The following EXOC4 variants were observed in gnomAD, a reference collection of about 807,000 sequenced individuals.
The protein encoded by EXOC4 is SEC8-like 1.
In EXOC4, 71 loss-of-function variants were observed where a neutral mutation model predicts 107.2. The ratio of observed to expected loss-of-function variants is 0.66; its 90% CI spans 0.55 to 0.81. EXOC4 has a LOEUF of 0.81. Ranked by LOEUF, EXOC4 falls within the 30% of genes least tolerant of loss-of-function variation. The probability of loss-of-function intolerance (pLI) is 0.00; values close to 1 mark genes in which losing one functional copy is unlikely to be tolerated. For missense variants in EXOC4, 1,108 were observed against 1,189.6 expected, an observed-to-expected ratio of 0.93 and a Z score of 1.01; for synonymous variants, 456 against 441.2, an observed-to-expected ratio of 1.03 and a Z score of -0.42.
chr7:133,529,299 TAATTAA>T (rs1800136340), intron 9 of EXOC4, among the ~76,000 whole-genome samples: 1 of 152,178 alleles, frequency 6.6e-6, no homozygotes. Flanking sequence ...CTTGGTTATG[TAATTAA>T]AAGAATATTA....
intron 4 of EXOC4, among the ~76,000 whole-genome samples, chr7:133,312,814 C>A (rs914811143): frequency 2.0e-5 from 3 of 151,256 alleles, no homozygotes; most frequent in Non-Finnish European, 4.4e-5. Context: ...GGCAGTATAC[C>A]AAAATGATGT....
intron 11 of EXOC4, among the ~76,000 whole-genome samples, chr7:133,846,068 C>T (rs995423212): frequency 2.0e-5 from 3 of 151,998 alleles, no homozygotes; most frequent in African/African-American, 7.2e-5. Context: ...AAAAGTTAAA[C>T]GTCACACTTA....
intron 17 of EXOC4, among the ~76,000 whole-genome samples, chr7:134,051,311 CAGACACAG>C (rs986292156): frequency 7.2e-5 from 11 of 152,204 alleles, no homozygotes; most frequent in Admixed American, 7.2e-4. Flanking sequence ...CTGCAGCAGG[CAGACACAG>C]AGCCAATAGC....
chr7:133,317,502 C>G (rs1457860909), intron 5 of EXOC4, 112 bp downstream of exon 5: 18 of 694,330 alleles, frequency 2.6e-5, no homozygotes, highest in Non-Finnish European at 4.0e-5. Context: ...CTAGGTGGGC[C>G]TGAGCTAGGT....
intron 14 of EXOC4, among the ~76,000 whole-genome samples, chr7:133,967,296 G>T (rs1339340064): frequency 3.0e-4 from 44 of 147,296 alleles, no homozygotes; most frequent in Admixed American, 1.0e-3. Context: ...TTTTTTTTTT[G>T]AAGTGTTTTT....
chr7:133,756,330 A>G (rs560013624), intron 10 of EXOC4, among the ~76,000 whole-genome samples: 189 of 152,242 alleles, frequency 1.2e-3, no homozygotes, highest in African/African-American at 4.4e-3. Flanking sequence ...TGTCACTTTT[A>G]ATTTTGATAA....
At chr7:133,447,271 A>C (rs1410965113) in intron 7 of EXOC4, 1 of 152,148 alleles carries the variant, frequency 6.6e-6, no homozygotes, top group African/African-American at 2.4e-5. Context: ...AGGCAATCAA[A>C]GACTTCTGCT....
intron 17 of EXOC4, among the ~76,000 whole-genome samples, chr7:134,016,539 C>G (rs941708459): frequency 6.6e-6 from 1 of 152,162 alleles, no homozygotes; most frequent in African/African-American, 2.4e-5. Context: ...CATTTTCTCA[C>G]GTTAACTTCT....
intron 14 of EXOC4, among the ~76,000 whole-genome samples, chr7:133,955,795 G>A (rs189318498): frequency 1.4e-4 from 21 of 152,346 alleles, no homozygotes; most frequent in African/African-American, 3.1e-4. Flanking sequence ...AGGGGCTGGC[G>A]TGTCAGCACT....
At chr7:133,415,724 G>A (rs1019680356) in intron 7 of EXOC4, among the ~76,000 whole-genome samples, 4 of 152,040 alleles carry the variant, frequency 2.6e-5, no homozygotes, top group African/African-American at 7.2e-5. Context: ...CAAAATATTA[G>A]CATTTGTTAA....
chr7:133,264,017 AAAG>A (rs1455025524), intron 1 of EXOC4, among the ~76,000 whole-genome samples: 2 of 152,176 alleles, frequency 1.3e-5, no homozygotes, highest in African/African-American at 4.8e-5. Flanking sequence ...ACTCACCAGA[AAAG>A]AAGATCACTG....
At chr7:133,634,182 A>G (rs1228286244) in intron 10 of EXOC4, among the ~76,000 whole-genome samples, 2 of 152,198 alleles carry the variant, frequency 1.3e-5, no homozygotes, top group African/African-American at 4.8e-5. Context: ...TTGCTAACTT[A>G]TTTTTATACT....
At chr7:133,549,410 C>T (rs547464536) in intron 9 of EXOC4, among the ~76,000 whole-genome samples, 14 of 151,892 alleles carry the variant, frequency 9.2e-5, no homozygotes, top group East Asian at 5.8e-4. Flanking sequence ...ATTGGGAAGC[C>T]GGAGGAGAGA....
chr7:133,613,874 T>C (rs188297737), intron 9 of EXOC4, among the ~76,000 whole-genome samples: 1 of 152,228 alleles, frequency 6.6e-6, no homozygotes, highest in Non-Finnish European at 1.5e-5. Context: ...CTAATATGAT[T>C]CCAGATATAG....
chr7:133,724,334 C>G (rs1795171171), intron 10 of EXOC4, among the ~76,000 whole-genome samples: 1 of 152,204 alleles, frequency 6.6e-6, no homozygotes, highest in Admixed American at 6.5e-5. Context: ...TATCTGGAAG[C>G]AAGGTCAGTG....
At chr7:133,677,786 G>A (rs1412627337) in intron 10 of EXOC4, among the ~76,000 whole-genome samples, 2 of 71,126 alleles carry the variant, frequency 2.8e-5, no homozygotes, top group African/African-American at 5.2e-5. Flanking sequence ...TCATTAGAAG[G>A]CATCACTTTG....
intron 10 of EXOC4, among the ~76,000 whole-genome samples, chr7:133,669,004 A>ATTTTTTTTT (rs58354607): frequency 7.6e-5 from 9 of 118,438 alleles, no homozygotes; most frequent in African/African-American, 1.2e-4. Flanking sequence ...TGTTCTCCCA[A>ATTTTTTTTT]TTTTTTTTTT....
At chr7:133,650,451 A>G (rs1803114857) in intron 10 of EXOC4, among the ~76,000 whole-genome samples, 1 of 152,300 alleles carries the variant, frequency 6.6e-6, no homozygotes, top group South Asian at 2.1e-4. Flanking sequence ...TGCCCTTTTA[A>G]GAATACTTAG....
At chr7:133,847,278 A>G (rs916393121) in intron 11 of EXOC4, among the ~76,000 whole-genome samples, 5 of 152,198 alleles carry the variant, frequency 3.3e-5, no homozygotes, top group Admixed American at 2.6e-4. Context: ...ACTATGATAT[A>G]CTATGTAAAC....
Sources: gnomAD v4.1 joint callset for allele counts (sites outside exome capture counted in the v4.1 genomes callset) on GRCh38, gnomAD v4.1.1 for gene constraint, MANE v1.5 for transcripts, NCBI Gene and HGNC (gene_info 2026-07-23, HGNC 2026-07-21) for gene names.